Variants in SLC26A5 observed in about 807,000 individuals in gnomAD.
The protein encoded by SLC26A5 is prestin.
SLC26A5 carries 51 observed loss-of-function variants against 81.0 expected under a neutral mutation model. The ratio of observed to expected loss-of-function variants is 0.63; its 90% CI spans 0.50 to 0.80. The LOEUF is 0.80. SLC26A5 is among the 30% of genes least tolerant of loss of function. The probability of loss-of-function intolerance (pLI) is 0.00; values close to 1 mark genes in which losing one functional copy is unlikely to be tolerated. For synonymous variants in SLC26A5, 325 were observed against 332.8 expected, an observed-to-expected ratio of 0.98 and a Z score of 0.25; for missense variants, 771 against 905.8, an observed-to-expected ratio of 0.85 and a Z score of 1.91.
At chr7:103,441,230 T>C (rs900193110) in intron 2 of SLC26A5, among the ~76,000 whole-genome samples, 1 of 152,244 alleles carries the variant, frequency 6.6e-6, no homozygotes, top group Admixed American at 6.5e-5. Flanking sequence ...TCTGTCTCTC[T>C]TACCGATTTG....
At chr7:103,371,947 G>A (rs950334793), downstream of SLC26A5, among the ~76,000 whole-genome samples, 1 of 151,884 alleles carries the variant, frequency 6.6e-6, no homozygotes, top group Non-Finnish European at 1.5e-5. Flanking sequence ...TGCCCGCCTT[G>A]GCCTCCCAAA....
In SLC26A5 at chr7:103,389,359, G is replaced by A; in HGVS notation, c.1377C>T (p.Pro459=). Residue 459 remains proline, a synonymous_variant, in exon 13 of 20, where the codon CCC becomes CCT. Coordinates refer to ENST00000306312, the MANE Select transcript of SLC26A5 (RefSeq NM_198999.3). ...KGMFMQFSDL[P]FFWRTSKIEL... ...CTATTTTGCTGGTTCTCCAGAAAAA[G>A]GGGAGATCTGAGAACTGCATAAACA... 1 of 1,613,982 alleles carries A rather than the reference G, an allele frequency of 6.2e-7. No individual in the cohort carries two copies. The highest frequency in any genetic ancestry group is 8.5e-7 in the Non-Finnish European group (1 of 1,179,884).
chr7:103,353,303 A>G (rs911940316), intron 19 of SLC26A5, among the ~76,000 whole-genome samples: 12 of 151,614 alleles, frequency 7.9e-5, no homozygotes, highest in Admixed American at 2.0e-4. Flanking sequence ...GCTGCATTGT[A>G]TTTCCTTTTC....
At position 103,407,842 on chromosome 7, in the gene SLC26A5, G is replaced by T. The variant is rs201613858; in HGVS notation, c.888+9C>A. On this transcript the variant is annotated intron_variant, in intron 8 of 19. Coordinates refer to ENST00000306312, the MANE Select transcript of SLC26A5 (RefSeq NM_198999.3). ...AAGCCGAGTAGGTCACTGACCGAAG[G>T]TGACTTACCGCAAAGAACTCTAAAG... 6.2e-7 allele frequency: 1 copy of T among 1,613,958 alleles called. No homozygotes were observed. Among genetic ancestry groups the T allele is most frequent in the Non-Finnish European group, 8.5e-7 (1 of 1,179,922 alleles).
At position 103,353,462 on chromosome 7, in the gene SLC26A5, A is replaced by G. The variant is rs531696421; in HGVS notation, c.2042-536T>C. Among the ~76,000 whole-genome samples the G allele has an allele frequency of 8.5e-5, 13 of 152,224 alleles. No individual in the cohort carries two copies. In the South Asian group the frequency reaches 2.3e-3, roughly 27 times the overall value. ...GCTGGGACTACAGACATGCGCCACC[A>G]TGCCAGGCCAATTTTTGTATTTTTG... is the stretch of plus-strand genomic sequence containing the variant. On this transcript the variant is annotated intron_variant, in intron 19 of 19. Coordinates refer to the SLC26A5 transcript ENST00000339444.
Position 103,386,093 on chromosome 7 carries a change from A to AT in SLC26A5, c.1514+2914dup, listed in dbSNP as rs891138467. Among the ~76,000 whole-genome samples, 650 of 150,248 alleles carry AT rather than the reference A, an allele frequency of 4.3e-3. 4 individuals are homozygous for AT. Among genetic ancestry groups the AT allele is most frequent in the African/African-American group, 0.015 (595 of 40,922 alleles). ...CAGGTGTGCACCACCACACCCAGCT[A>AT]TTTTTTTTTGTATTTTTAGTAGAGA... is the stretch of plus-strand genomic sequence containing the variant. On this transcript the variant is annotated intron_variant, in intron 14 of 19. Transcript: ENST00000306312.
rs1316846522 is a variant in SLC26A5, at chr7:103,388,992, C to T, written c.1514+16G>A. The T allele has an allele frequency of 6.3e-7, 1 of 1,580,456 alleles. No homozygotes were observed. The highest frequency in any genetic ancestry group is 1.1e-5 in the South Asian group (1 of 90,032). The stretch of plus-strand genomic sequence containing the variant: ...TCTGCCGGGACATTCACACCCATTC[C>T]AATCTGGGCACTCACCTCTGTGTTC... On this transcript the variant is annotated intron_variant, in intron 14 of 19. Coordinates refer to ENST00000306312, the MANE Select transcript of SLC26A5 (RefSeq NM_198999.3).
At chr7:103,353,272 G>A (rs1379787441) in intron 19 of SLC26A5, among the ~76,000 whole-genome samples, 1 of 151,950 alleles carries the variant, frequency 6.6e-6, no homozygotes, top group Non-Finnish European at 1.5e-5. Flanking sequence ...CTATGTCTAT[G>A]TTCTGTTATC....
intron 2 of SLC26A5, among the ~76,000 whole-genome samples, chr7:103,430,053 G>A (rs949568996): frequency 2.0e-5 from 3 of 150,344 alleles, no homozygotes; most frequent in Non-Finnish European, 4.4e-5. Flanking sequence ...GTTCAGGACT[G>A]TGTTTGAAGG....
chr7:103,410,364 G>C, intron 7 of SLC26A5, 21 bp downstream of exon 7: 1 of 1,596,308 alleles, frequency 6.3e-7, no homozygotes, highest in South Asian at 1.1e-5. Flanking sequence ...GTACCAGAAC[G>C]TCAGGTAGTT....
intron 12 of SLC26A5, 90 bp downstream of exon 12, chr7:103,390,339 A>C: frequency 8.5e-7 from 1 of 1,178,818 alleles, no homozygotes; most frequent in Non-Finnish European, 1.3e-6. Flanking sequence ...ACAGTAAATA[A>C]CCCTAATATA....
downstream of SLC26A5, among the ~76,000 whole-genome samples, chr7:103,372,066 C>T (rs1466336571): frequency 6.6e-6 from 1 of 152,148 alleles, no homozygotes; most frequent in Non-Finnish European, 1.5e-5. Flanking sequence ...AGCTCGTTTA[C>T]AAAAGTTTCT....
intron 8 of SLC26A5, among the ~76,000 whole-genome samples, chr7:103,405,659 G>C (rs1017924880): frequency 6.6e-6 from 1 of 152,210 alleles, no homozygotes; most frequent in African/African-American, 2.4e-5. Context: ...GAGTTACGGG[G>C]GTCCCACTTG....
chr7:103,391,157 T>G (rs1213740251), intron 11 of SLC26A5, among the ~76,000 whole-genome samples: 1 of 152,200 alleles, frequency 6.6e-6, no homozygotes, highest in African/African-American at 2.4e-5. Context: ...GCTACCGCAC[T>G]TGGCCGGCCA....
At chr7:103,405,060 G>T (rs139878711) in intron 8 of SLC26A5, among the ~76,000 whole-genome samples, 5,312 of 151,952 alleles carry the variant, frequency 0.035, 157 homozygotes, top group Non-Finnish European at 0.05. Flanking sequence ...CTCTAAACTG[G>T]TTATTCTAGT....
chr7:103,389,290 C>G lies in SLC26A5; in HGVS notation c.1407+39G>C, dbSNP rs903837446. 4.9e-6 allele frequency: 7 copies of G among 1,442,822 alleles called. No homozygotes were observed. In the Admixed American group the frequency reaches 6.7e-5, roughly 14 times the overall value. 89.4% of individuals were successfully genotyped at this position (1,442,822 alleles called of 1,614,324 possible). A position where few individuals can be genotyped will look rare whatever the true frequency, so the allele number is the denominator to read the frequency against. Reference sequence around the variant, plus strand: ...TTTCTTAGCACTAATCATATCTGCTCTATGACATATTAACAGAGCCATCAC... The same window carrying G: ...TTTCTTAGCACTAATCATATCTGCTGTATGACATATTAACAGAGCCATCAC... On this transcript the variant is annotated intron_variant, in intron 13 of 19. Transcript: ENST00000306312.
At chr7:103,364,981 A>ATATATATATATATATATATATATATT (rs950613120) in intron 19 of SLC26A5, among the ~76,000 whole-genome samples, 46 of 140,764 alleles carry the variant, frequency 3.3e-4, no homozygotes, top group Non-Finnish European at 5.4e-4. Flanking sequence ...ATATATATAT[A>ATATATATATATATATATATATATATT]TATTTAGAGA....
At chr7:103,386,073 G>A (rs1288353830) in intron 14 of SLC26A5, among the ~76,000 whole-genome samples, 1 of 151,834 alleles carries the variant, frequency 6.6e-6, no homozygotes, top group Non-Finnish European at 1.5e-5. Flanking sequence ...GATTACAGGT[G>A]TGCACCACCA....
At chr7:103,378,201 T>C (rs1007229288) in intron 17 of SLC26A5, among the ~76,000 whole-genome samples, 1 of 152,240 alleles carries the variant, frequency 6.6e-6, no homozygotes, top group African/African-American at 2.4e-5. Context: ...AAAGTGCTAA[T>C]GGTAAAATCT....
Sources: gnomAD v4.1 joint callset for allele counts (sites outside exome capture counted in the v4.1 genomes callset) on GRCh38, gnomAD v4.1.1 for gene constraint, MANE v1.5 for transcripts, NCBI Gene and HGNC (gene_info 2026-07-23, HGNC 2026-07-21) for gene names.